The following LPP variants were observed in gnomAD, a reference collection of about 807,000 sequenced individuals.
LPP encodes LIM domain containing preferred translocation partner in lipoma, also known as lipoma-preferred partner.
LPP carries 38 observed loss-of-function variants against 60.4 expected under a neutral mutation model. The observed-to-expected ratio is 0.63, with a 90% confidence interval of 0.49 to 0.83. The LOEUF is 0.83. Among genes scored for constraint, LPP ranks in the 40% least tolerant of loss-of-function variants. LPP has a pLI of 0.00. For synonymous variants in LPP, 328 were observed against 290.8 expected (o/e 1.13, Z -1.30); for missense variants, 902 against 783.6 (o/e 1.15, Z -1.80).
intron 3 of LPP, among the ~76,000 whole-genome samples, chr3:188,347,280 T>C (rs1049051627): frequency 6.6e-6 from 1 of 152,230 alleles, no homozygotes; most frequent in African/African-American, 2.4e-5. Flanking sequence ...GAATGTGTAC[T>C]ATGGGATTTT....
chr3:188,785,658 G>A (rs1482858749), intron 9 of LPP, among the ~76,000 whole-genome samples: 1 of 150,924 alleles, frequency 6.6e-6, no homozygotes, highest in Non-Finnish European at 1.5e-5. Flanking sequence ...TGCGAATTGT[G>A]CTGCTATAAA....
chr3:188,781,637 A>G (rs1324079603), intron 9 of LPP, among the ~76,000 whole-genome samples: 1 of 151,694 alleles, frequency 6.6e-6, no homozygotes. Context: ...TAATCCCAGC[A>G]CTTTGGGAGG....
At chr3:188,485,325 G>A (rs1373542037) in intron 5 of LPP, among the ~76,000 whole-genome samples, 7 of 152,058 alleles carry the variant, frequency 4.6e-5, no homozygotes, top group Admixed American at 6.5e-5. Flanking sequence ...TGTGATCATC[G>A]GTAACTGCCG....
chr3:188,260,828 T>A (rs1159137623), intron 2 of LPP, among the ~76,000 whole-genome samples: 2 of 151,698 alleles, frequency 1.3e-5, no homozygotes, highest in African/African-American at 4.8e-5. Flanking sequence ...AGGTCAGGAG[T>A]TTGAGAGCAG....
At chr3:188,692,389 A>G (rs1311843473) in intron 7 of LPP, among the ~76,000 whole-genome samples, 1 of 152,226 alleles carries the variant, frequency 6.6e-6, no homozygotes, top group Non-Finnish European at 1.5e-5. Context: ...CATTTACTTG[A>G]AAGGAAACAT....
rs186548538 is a variant in LPP, at chr3:188,778,395, C to T, written c.1410+18113C>T. On this transcript the variant is annotated intron_variant, in intron 9 of 11. Coordinates refer to ENST00000617246, the MANE Select transcript of LPP (RefSeq NM_001375462.1). ...TGGCAAGCTTTGTGAACTAATTTTACTTCTCAAAGATACTAGGAATAAAGT... is the reference window on the plus strand; with the variant it reads ...TGGCAAGCTTTGTGAACTAATTTTATTTCTCAAAGATACTAGGAATAAAGT... Among the ~76,000 whole-genome samples the T allele has an allele frequency of 3.2e-4, 48 of 152,232 alleles. 1 individual carries two copies. The highest frequency in any genetic ancestry group is 5.9e-4 in the Non-Finnish European group (40 of 68,018).
chr3:188,865,968 C>T (rs1766481069), intron 9 of LPP, among the ~76,000 whole-genome samples: 1 of 152,170 alleles, frequency 6.6e-6, no homozygotes. Flanking sequence ...GTGTTTCCTT[C>T]TCTCTATAAC....
At position 188,797,115 on chromosome 3, in the gene LPP, C is replaced by CCCTCCTCCTCCT. The variant is rs4011849; in HGVS notation, c.1410+36847_1410+36858dup. 4.1e-4 allele frequency among the ~76,000 whole-genome samples: 61 copies of CCCTCCTCCTCCT among 149,766 alleles called. No individual in the cohort carries two copies. In the South Asian group the frequency reaches 5.1e-3, roughly 13 times the overall value. On this transcript the variant is annotated intron_variant, in intron 9 of 11. Coordinates refer to ENST00000617246, the MANE Select transcript of LPP (RefSeq NM_001375462.1). ...GAGGGAATTGTCTTCAGCTCTTTTC[C>CCCTCCTCCTCCT]CCTCCTCCTCCTCCTCCTCCTCCTC...
intron 2 of LPP, among the ~76,000 whole-genome samples, chr3:188,227,727 G>A (rs1037381224): frequency 1.3e-5 from 2 of 152,054 alleles, no homozygotes; most frequent in African/African-American, 2.4e-5. Flanking sequence ...TTACCTCATG[G>A]GCCATGAGAC....
intron 7 of LPP, among the ~76,000 whole-genome samples, chr3:188,663,232 C>T (rs1219736066): frequency 6.6e-6 from 1 of 152,088 alleles, no homozygotes; most frequent in East Asian, 1.9e-4. Flanking sequence ...CCATGTGAGA[C>T]ATCTTGGATC....
chr3:188,862,209 G>A (rs1032887339), intron 9 of LPP, among the ~76,000 whole-genome samples: 23 of 152,166 alleles, frequency 1.5e-4, no homozygotes, highest in African/African-American at 5.6e-4. Flanking sequence ...CTAACTGTGT[G>A]CAAATCTGCT....
chr3:188,164,497 T>C (rs1481240382), intron 1 of LPP, among the ~76,000 whole-genome samples: 1 of 152,212 alleles, frequency 6.6e-6, no homozygotes, highest in East Asian at 1.9e-4. Flanking sequence ...AGAAAATAAC[T>C]TGGTTGGCAC....
chr3:188,851,853 G>C (rs1299671351), intron 9 of LPP, among the ~76,000 whole-genome samples: 2 of 152,140 alleles, frequency 1.3e-5, no homozygotes, highest in Admixed American at 6.6e-5. Context: ...CTTACAGTTT[G>C]GTGGGTCAGA....
At chr3:188,694,332 C>A (rs1862742449) in intron 7 of LPP, among the ~76,000 whole-genome samples, 1 of 152,090 alleles carries the variant, frequency 6.6e-6, no homozygotes, top group Non-Finnish European at 1.5e-5. Flanking sequence ...AACATTAATT[C>A]TCTAGCTTAT....
intron 4 of LPP, among the ~76,000 whole-genome samples, chr3:188,407,794 T>G (rs1341064927): frequency 3.1e-4 from 43 of 136,512 alleles, no homozygotes; most frequent in Non-Finnish European, 4.9e-4. Context: ...GTTTGTTTTT[T>G]TTTTTTTTTT....
chr3:188,314,860 T>G (rs114847823), intron 2 of LPP, among the ~76,000 whole-genome samples: 3,320 of 152,248 alleles, frequency 0.022, 130 homozygotes, highest in African/African-American at 0.075. Context: ...TCTTTTTTCT[T>G]TATTTTGAAA....
intron 9 of LPP, among the ~76,000 whole-genome samples, chr3:188,861,793 GT>G (rs1032903152): frequency 2.0e-5 from 3 of 152,130 alleles, no homozygotes; most frequent in African/African-American, 7.2e-5. Context: ...GTTTCACTGA[GT>G]TTTTTTGTTT....
intron 3 of LPP, among the ~76,000 whole-genome samples, chr3:188,366,996 A>G (rs534435811): frequency 6.6e-6 from 1 of 151,868 alleles, no homozygotes; most frequent in Admixed American, 6.6e-5. Context: ...TCCTGGGTTC[A>G]AGTCATTCTC....
Position 188,884,150 on chromosome 3 carries a change from A to G in LPP, c.*9671A>G, listed in dbSNP as rs183679383. ...ACTGCTTCCACACAGAAAATAGCGC[A>G]GGGAGGACAGTTATTAGTACCCCTA... On this transcript the variant is annotated 3_prime_UTR_variant, in exon 12 of 12. Coordinates refer to ENST00000617246, the MANE Select transcript of LPP (RefSeq NM_001375462.1). 393 of 225,832 alleles carry G rather than the reference A, an allele frequency of 1.7e-3. 3 individuals are homozygous for G. Among genetic ancestry groups the G allele is most frequent in the African/African-American group, 8.1e-3 (365 of 45,016 alleles). 14.0% of individuals were successfully genotyped at this position (225,832 alleles called of 1,614,324 possible). A position where few individuals can be genotyped will look rare whatever the true frequency, so the allele number is the denominator to read the frequency against.
Sources: allele counts gnomAD v4.1 joint callset (sites outside exome capture counted in the v4.1 genomes callset), GRCh38; gene constraint gnomAD v4.1.1; transcripts MANE v1.5; gene names NCBI Gene and HGNC (gene_info 2026-07-23, HGNC 2026-07-21).